The following PKNOX2 variants were observed in gnomAD, a reference collection of about 807,000 sequenced individuals.
PKNOX2 encodes homeobox protein PKNOX2.
PKNOX2 carries 14 observed loss-of-function variants against 53.1 expected under a neutral mutation model. The ratio of observed to expected loss-of-function variants is 0.26; its 90% CI spans 0.17 to 0.41. PKNOX2 has a LOEUF of 0.41. Ranked by LOEUF, PKNOX2 falls within the 10% of genes least tolerant of loss-of-function variation. The pLI is 1.00. For synonymous variants in PKNOX2, 257 were observed against 242.8 expected (o/e 1.06, Z -0.54); for missense variants, 496 against 602.8 (o/e 0.82, Z 1.85).
chr11:125,375,122 T>G (rs1952763232), intron 5 of PKNOX2, among the ~76,000 whole-genome samples: 1 of 152,208 alleles, frequency 6.6e-6, no homozygotes, highest in Non-Finnish European at 1.5e-5. Context: ...AACTGAAAAT[T>G]TAGTCTGCAT....
intron 3 of PKNOX2, chr11:125,332,702 A>G (rs748058526): frequency 6.6e-6 from 1 of 152,100 alleles, no homozygotes; most frequent in Admixed American, 6.5e-5. Context: ...AGTTTCCCTG[A>G]TGTCTTAGGG....
Position 125,238,885 on chromosome 11 carries a change from G to T in PKNOX2, c.-130+3770G>T, listed in dbSNP as rs140516716. Among the ~76,000 whole-genome samples, 239 of 152,312 alleles carry T rather than the reference G, an allele frequency of 1.6e-3. 3 individuals are homozygous for T. The highest frequency in any genetic ancestry group is 1.7e-3 in the Non-Finnish European group (116 of 68,030). On this transcript the variant is annotated intron_variant, in intron 2 of 12. Coordinates refer to ENST00000298282, the MANE Select transcript of PKNOX2 (RefSeq NM_001382323.2). ...TTGAAGTACAAAGATCAGATTTGAA[G>T]CCCAGCCTTGGCACCCCTGTGATCC...
rs569531166 is a variant in PKNOX2 at position 125,225,203 on chromosome 11, G to A, written c.-200-9842G>A. ...CTGAAACGCCTGCTGGGGAGAACCC[G>A]TCCTGCAGGACCTATAGAGCTGCTG... On this transcript the variant is annotated intron_variant, in intron 1 of 12. Transcript: ENST00000298282. 1.2e-4 allele frequency among the ~76,000 whole-genome samples: 18 copies of A among 152,264 alleles called. 1 individual carries two copies. The highest frequency in any genetic ancestry group is 2.9e-4 in the African/African-American group (12 of 41,550).
At chr11:125,269,420 A>C (rs1373454777) in intron 2 of PKNOX2, among the ~76,000 whole-genome samples, 1 of 152,174 alleles carries the variant, frequency 6.6e-6, no homozygotes, top group African/African-American at 2.4e-5. Context: ...AACACATCCT[A>C]TGCAAAATAT....
At chr11:125,313,773 C>T (rs61393861) in intron 2 of PKNOX2, among the ~76,000 whole-genome samples, 3,378 of 152,296 alleles carry the variant, frequency 0.022, 124 homozygotes, top group African/African-American at 0.075. Context: ...TGAAATTAAA[C>T]ATTCAGTGAC....
At chr11:125,398,490 C>T (rs1420890343) in intron 7 of PKNOX2, among the ~76,000 whole-genome samples, 1 of 152,206 alleles carries the variant, frequency 6.6e-6, no homozygotes, top group African/African-American at 2.4e-5. Context: ...TTCCCTGAAT[C>T]CTGCCCACCT....
rs369626011 is a variant in PKNOX2 at position 125,397,860 on chromosome 11, C to T, written c.400-14C>T. 1.8e-5 allele frequency: 29 copies of T among 1,600,106 alleles called. No individual in the cohort carries two copies. Among genetic ancestry groups the T allele is most frequent in the Non-Finnish European group, 2.0e-5 (23 of 1,173,346 alleles). ...ATGCAAACACCTGGGCTCACCTCTCCTCCCTCTCCACAGATGGTGAAGGCA... is the reference window on the plus strand; with the variant it reads ...ATGCAAACACCTGGGCTCACCTCTCTTCCCTCTCCACAGATGGTGAAGGCA... On this transcript the variant is annotated splice_polypyrimidine_tract_variant and intron_variant, in intron 6 of 12. Coordinates refer to ENST00000298282, the MANE Select transcript of PKNOX2 (RefSeq NM_001382323.2).
At chr11:125,210,612 T>A (rs952462791) in intron 1 of PKNOX2, among the ~76,000 whole-genome samples, 1 of 152,104 alleles carries the variant, frequency 6.6e-6, no homozygotes, top group Non-Finnish European at 1.5e-5. Context: ...TGGCTATGGC[T>A]GCATTCACTT....
At chr11:125,253,942 G>A (rs1022939006) in intron 2 of PKNOX2, among the ~76,000 whole-genome samples, 1 of 152,128 alleles carries the variant, frequency 6.6e-6, no homozygotes, top group Non-Finnish European at 1.5e-5. Context: ...GGGGAAATGT[G>A]GGGGTTGGGA....
intron 2 of PKNOX2, among the ~76,000 whole-genome samples, chr11:125,249,592 A>G (rs1371479256): frequency 1.3e-5 from 2 of 152,152 alleles, no homozygotes; most frequent in African/African-American, 2.4e-5. Context: ...TTTAAAGTAT[A>G]TGGGAGAATA....
intron 10 of PKNOX2, among the ~76,000 whole-genome samples, chr11:125,423,045 C>T (rs770173865): frequency 6.9e-6 from 1 of 145,814 alleles, no homozygotes; most frequent in African/African-American, 2.7e-5. Flanking sequence ...AGTTTAGCTA[C>T]ACACACACAC....
intron 1 of PKNOX2, among the ~76,000 whole-genome samples, chr11:125,207,927 C>T (rs1312574868): frequency 6.6e-6 from 1 of 151,950 alleles, no homozygotes; most frequent in East Asian, 1.9e-4. Flanking sequence ...TTTTTTAATT[C>T]AACAAATATT....
At chr11:125,248,958 A>T (rs1943788075) in intron 2 of PKNOX2, among the ~76,000 whole-genome samples, 1 of 143,936 alleles carries the variant, frequency 6.9e-6, no homozygotes, top group African/African-American at 2.6e-5. Context: ...ACATGTATAT[A>T]TACATACATA....
chr11:125,189,429 G>A (rs1312470755), intron 1 of PKNOX2, among the ~76,000 whole-genome samples: 47 of 43,018 alleles, frequency 1.1e-3, no homozygotes, highest in East Asian at 2.9e-3. Context: ...GTGTGTGTGT[G>A]TGTGTGTGTG....
intron 10 of PKNOX2, among the ~76,000 whole-genome samples, chr11:125,420,345 G>C (rs1225407983): frequency 6.6e-6 from 1 of 151,554 alleles, no homozygotes; most frequent in Non-Finnish European, 1.5e-5. Context: ...GGCTAACACG[G>C]TGAAACCCCA....
intron 2 of PKNOX2, among the ~76,000 whole-genome samples, chr11:125,283,768 G>C (rs529715330): frequency 7.7e-4 from 117 of 152,310 alleles, no homozygotes; most frequent in Non-Finnish European, 1.4e-3. Flanking sequence ...TCCTCCTGGT[G>C]GTGGGGAGTG....
intron 9 of PKNOX2, chr11:125,411,155 T>A: frequency 2.7e-6 from 1 of 372,724 alleles, no homozygotes; most frequent in East Asian, 5.4e-5. Context: ...TGGTAGAGAG[T>A]GCACACACAA....
intron 5 of PKNOX2, among the ~76,000 whole-genome samples, chr11:125,380,086 T>C (rs1953118991): frequency 6.6e-6 from 1 of 152,162 alleles, no homozygotes; most frequent in Non-Finnish European, 1.5e-5. Context: ...CCCCTCTCCC[T>C]GAGCTGAGCT....
chr11:125,265,018 G>C (rs1475794990), intron 2 of PKNOX2, among the ~76,000 whole-genome samples: 2 of 152,126 alleles, frequency 1.3e-5, no homozygotes, highest in African/African-American at 2.4e-5. Context: ...GCCGGGCATG[G>C]TGGCTCAAGC....
Sources: gnomAD v4.1 joint callset for allele counts (sites outside exome capture counted in the v4.1 genomes callset) on GRCh38, gnomAD v4.1.1 for gene constraint, MANE v1.5 for transcripts, NCBI Gene and HGNC (gene_info 2026-07-23, HGNC 2026-07-21) for gene names.